The following PML variants were observed in gnomAD, a reference collection of about 807,000 sequenced individuals.
The protein encoded by PML is protein PML.
In PML, 28 loss-of-function variants were observed where a neutral mutation model predicts 65.2. The ratio of observed to expected loss-of-function variants is 0.43; its 90% CI spans 0.32 to 0.59. PML has a LOEUF of 0.59. PML is among the 20% of genes least tolerant of loss of function. The probability of loss-of-function intolerance (pLI) is 0.08; values close to 1 mark genes in which losing one functional copy is unlikely to be tolerated. For synonymous variants in PML, 500 were observed against 508.8 expected, an observed-to-expected ratio of 0.98 and a Z score of 0.23; for missense variants, 1,021 against 1,203.4, an observed-to-expected ratio of 0.85 and a Z score of 2.24.
rs1380016540 is a variant in PML, at chr15:74,042,810, C to T, written c.1711-179C>T. 1 of 985,178 alleles carries T rather than the reference C, an allele frequency of 1.0e-6. No homozygotes were observed. Among genetic ancestry groups the T allele is most frequent in the African/African-American group, 1.7e-5 (1 of 57,180 alleles). The allele number at this position is 985,178 out of a possible 1,614,324, so 61.0% of individuals were successfully genotyped here. On this transcript the variant is annotated intron_variant, in intron 7 of 8. Coordinates refer to ENST00000268058, the MANE Select transcript of PML (RefSeq NM_033238.3). This position sits in a 1 kb window ranked among gnomAD's most constrained non-coding sequence, Gnocchi z 5.3. ...ACATGTAACCCTCACATGTGACACA[C>T]CCAGTTCACACCCATTCATGCACAC...
At chr15:74,033,006 C>A in intron 5 of PML, 150 bp from the exon 6 acceptor site, 1 of 863,716 alleles carries the variant, frequency 1.2e-6, no homozygotes, top group Non-Finnish European at 1.9e-6. Context: ...GGCTTCCTGT[C>A]TGAAGAGAGA....
In PML at chr15:74,032,606, A is replaced by G. The variant is rs1219908926; in HGVS notation, c.1289A>G (p.Gln430Arg). The G allele has an allele frequency of 6.2e-7, 1 of 1,613,972 alleles. No homozygotes were observed. The highest frequency in any genetic ancestry group is 8.5e-7 in the Non-Finnish European group (1 of 1,179,840). Residue 430 changes from glutamine to arginine, a missense_variant, in exon 5 of 9, where the codon CAG (glutamine) becomes CGG (arginine). Coordinates refer to ENST00000268058, the MANE Select transcript of PML (RefSeq NM_033238.3). The stretch of plus-strand genomic sequence containing the variant: ...GCAGAGAGAGTGAAGGCCCAGGTTC[A>G]GGCCCTGGGGCTGGCTGAAGCCCAG... ...EEAERVKAQV[Q>R]ALGLAEAQPM...
At chr15:74,032,022 C>T (rs2071342809) in intron 4 of PML, among the ~76,000 whole-genome samples, 1 of 152,180 alleles carries the variant, frequency 6.6e-6, no homozygotes, top group Non-Finnish European at 1.5e-5. Context: ...GGCAAGGTCC[C>T]AGGGAGGCCA....
At position 74,043,164 on chromosome 15, in the gene PML, A is replaced by C. The variant is rs561752088; in HGVS notation, c.1861+25A>C. 1.9e-6 allele frequency: 3 copies of C among 1,613,688 alleles called. No homozygotes were observed. Among genetic ancestry groups the C allele is most frequent in the Non-Finnish European group, 1.7e-6 (2 of 1,179,936 alleles). The stretch of plus-strand genomic sequence containing the variant: ...AGTGGGTTCTCCTGGGGCTACCCCC[A>C]CCCCTTTCTAATTTAGTCTCTGAGT... On this transcript the variant is annotated intron_variant, in intron 8 of 8. Transcript: ENST00000268058. This position sits in a 1 kb window ranked among gnomAD's most constrained non-coding sequence, Gnocchi z 4.3.
intron 2 of PML, among the ~76,000 whole-genome samples, chr15:74,020,609 A>G (rs1172013717): frequency 2.0e-5 from 3 of 152,186 alleles, no homozygotes; most frequent in African/African-American, 7.2e-5. Context: ...CGCTGCTGTA[A>G]CAAACTACCA....
intron 2 of PML, among the ~76,000 whole-genome samples, chr15:74,000,815 T>A (rs1222440113): frequency 2.0e-5 from 3 of 152,216 alleles, no homozygotes; most frequent in Non-Finnish European, 1.5e-5. Context: ...GAGGGCCAAC[T>A]GTACATATAA....
chr15:74,044,340 C>T lies in PML; in HGVS notation c.1981C>T (p.His661Tyr), dbSNP rs752691619. The T allele has an allele frequency of 2.4e-5, 38 of 1,614,098 alleles. No individual in the cohort carries two copies. In the Admixed American group the frequency reaches 5.8e-4, roughly 25 times the overall value. Residue 661 changes from histidine to tyrosine, a missense_variant, in exon 9 of 9, where the codon CAC becomes TAC. Physicochemically the swap from His to Tyr is moderately conservative, Grantham distance 83 (BLOSUM62 2). Coordinates refer to ENST00000268058, the MANE Select transcript of PML (RefSeq NM_033238.3). ...CGTGTCCCTGGAGGTGGGGCTGCAG[C>T]ACTTCCTCAGCTTTCTGAGCTCCAT... ...KAVSLEVGLQ[H>Y]FLSFLSSMRR...
intron 2 of PML, among the ~76,000 whole-genome samples, chr15:74,005,509 G>A (rs1302775587): frequency 6.7e-6 from 1 of 149,724 alleles, no homozygotes; most frequent in African/African-American, 2.5e-5. Flanking sequence ...TTTCTAACTC[G>A]CCAGCTCATC....
chr15:74,044,798 C>G lies in PML; in HGVS notation c.2439C>G (p.Arg813=), dbSNP rs1409128869. ...TCATGGAGCTGCTGAGTGCACACCG[C>G]CGTGACCGGCAGGGGGGCCTGAAGA... ...VSFMELLSAH[R]RDRQGGLKKY... The change falls in exon 9 of 9, where the codon CGC becomes CGG. Residue 813 remains arginine, a synonymous_variant. Coordinates refer to ENST00000268058, the MANE Select transcript of PML (RefSeq NM_033238.3). The G allele has an allele frequency of 5.0e-6, 8 of 1,613,200 alleles. No individual in the cohort carries two copies. Among genetic ancestry groups the G allele is most frequent in the Non-Finnish European group, 6.8e-6 (8 of 1,180,032 alleles).
chr15:74,029,518 G>T (rs1209877927), intron 4 of PML, among the ~76,000 whole-genome samples: 2 of 152,074 alleles, frequency 1.3e-5, no homozygotes, highest in Non-Finnish European at 2.9e-5. Flanking sequence ...CAGCTACTCA[G>T]GAGGCTGAGG....
intron 2 of PML, among the ~76,000 whole-genome samples, chr15:74,005,303 A>C (rs1183316678): frequency 6.7e-6 from 1 of 149,632 alleles, no homozygotes; most frequent in Non-Finnish European, 1.5e-5. Flanking sequence ...CACCCGCCTC[A>C]GCCTCCCAAA....
At chr15:74,000,510 T>C (rs1396442975) in intron 2 of PML, among the ~76,000 whole-genome samples, 1 of 152,108 alleles carries the variant, frequency 6.6e-6, no homozygotes. Flanking sequence ...TTCACGACAT[T>C]GCCCAGACTG....
At chr15:74,015,599 A>G (rs2070534972) in intron 2 of PML, among the ~76,000 whole-genome samples, 1 of 152,238 alleles carries the variant, frequency 6.6e-6, no homozygotes, top group South Asian at 2.1e-4. Context: ...AGGTGCGGCT[A>G]TAGTGGCCTA....
intron 2 of PML, among the ~76,000 whole-genome samples, chr15:74,006,787 T>C (rs938831647): frequency 6.6e-6 from 1 of 152,046 alleles, no homozygotes; most frequent in African/African-American, 2.4e-5. Flanking sequence ...GTTTTACTCA[T>C]GGCGGAAGGT....
Position 73,998,399 on chromosome 15 carries a change from T to G in PML, c.525T>G (p.Arg175=), listed in dbSNP as rs1242987084. 6.2e-7 allele frequency: 1 copy of G among 1,614,018 alleles called. No homozygotes were observed. The highest frequency in any genetic ancestry group is 8.5e-7 in the Non-Finnish European group (1 of 1,179,918). ...PLAELRNQSV[R]EFLDGTRKTN... The stretch of plus-strand genomic sequence containing the variant: ...CAGAGCTGCGCAACCAGTCGGTGCG[T>G]GAGTTCCTGGACGGCACCCGCAAGA... The change falls in exon 2 of 9, where the codon CGT becomes CGG. Residue 175 remains arginine (R), a synonymous_variant. Coordinates refer to ENST00000268058, the MANE Select transcript of PML (RefSeq NM_033238.3).
chr15:74,028,797 C>A (rs931535917), intron 4 of PML, among the ~76,000 whole-genome samples: 12 of 152,192 alleles, frequency 7.9e-5, no homozygotes, highest in African/African-American at 2.9e-4. Flanking sequence ...GTGCAGTGTT[C>A]TCAGGGTTCA....
intron 4 of PML, chr15:74,032,370 A>C: frequency 1.6e-6 from 1 of 608,486 alleles, no homozygotes; most frequent in Non-Finnish European, 2.9e-6. Flanking sequence ...TGTCTCTACA[A>C]AAAAATTTTT....
At chr15:74,014,691 G>A (rs1349942372) in intron 2 of PML, among the ~76,000 whole-genome samples, 1 of 151,662 alleles carries the variant, frequency 6.6e-6, no homozygotes, top group Non-Finnish European at 1.5e-5. Context: ...GAACCTGGAA[G>A]GCAGAGGTTG....
At chr15:74,013,002 T>G (rs2070403747) in intron 2 of PML, among the ~76,000 whole-genome samples, 1 of 152,220 alleles carries the variant, frequency 6.6e-6, no homozygotes, top group African/African-American at 2.4e-5. Context: ...CAGCATCAAA[T>G]GTTCATTAGG....
Sources: allele counts gnomAD v4.1 joint callset (sites outside exome capture counted in the v4.1 genomes callset), GRCh38; gene constraint gnomAD v4.1.1; non-coding constraint Gnocchi (gnomAD v3.1); transcripts MANE v1.5; gene names NCBI Gene and HGNC (gene_info 2026-07-23, HGNC 2026-07-21).